RAB33B: variants seen among roughly 807,000 people sequenced by gnomAD.
RAB33B encodes the protein ras-related protein Rab-33B.
RAB33B carries 6 observed loss-of-function variants against 15.0 expected under a neutral mutation model. That is an observed-to-expected ratio of 0.40 (90% CI 0.22 to 0.79). The LOEUF (loss-of-function observed/expected upper bound fraction) is 0.79, where lower values mean the gene tolerates loss of function less well. RAB33B is among the 30% of genes least tolerant of loss of function. The pLI is 0.37. For synonymous variants in RAB33B, 117 were observed against 108.3 expected (o/e 1.08, Z -0.50); for missense variants, 257 against 296.4 (o/e 0.87, Z 0.98).
chr4:139,455,497 C>A (rs1054238586), intron 1 of RAB33B, among the ~76,000 whole-genome samples: 18 of 152,066 alleles, frequency 1.2e-4, no homozygotes, highest in Non-Finnish European at 2.5e-4. Flanking sequence ...TAATCATCGC[C>A]CCCCACCCCA....
rs907550105 is a variant in RAB33B, at chr4:139,476,394, A to G, written c.*3268A>G. 1.3e-5 allele frequency: 2 copies of G among 152,208 alleles called. No individual in the cohort carries two copies. Among genetic ancestry groups the G allele is most frequent in the Admixed American group, 6.5e-5 (1 of 15,276 alleles). The allele number at this position is 152,208 out of a possible 1,614,324, so 9.4% of individuals were successfully genotyped here. Reference sequence around the variant, plus strand: ...CCCCTGGTCAGTTTATTTTACGTATAAGTTACCCTTGTGTTCAAACACAAA... The same window carrying G: ...CCCCTGGTCAGTTTATTTTACGTATGAGTTACCCTTGTGTTCAAACACAAA... On this transcript the variant is annotated 3_prime_UTR_variant, in exon 2 of 2. Transcript: ENST00000305626.
upstream of RAB33B, chr4:139,450,729 G>A (rs898496321): frequency 6.6e-6 from 1 of 152,096 alleles, no homozygotes; most frequent in Non-Finnish European, 1.5e-5. Flanking sequence ...TTTGTCCTCT[G>A]TGCTCAGACC....
Position 139,454,423 on chromosome 4 carries a change from G to A in RAB33B, c.228G>A (p.Glu76=). 1 of 1,610,600 alleles carries A rather than the reference G, an allele frequency of 6.2e-7. No individual in the cohort carries two copies. Among genetic ancestry groups the A allele is most frequent in the Non-Finnish European group, 8.5e-7 (1 of 1,180,000 alleles). Residue 76 remains glutamate (E), a synonymous_variant, in exon 1 of 2, where the codon GAG becomes GAA. Transcript: ENST00000305626. ...IGVDFRERAV[E]IDGERIKIQL... ...TGGATTTCCGAGAACGAGCGGTGGA[G>A]ATTGATGGGGAGCGCATCAAGGTGA...
At chr4:139,459,952 T>C (rs1750142001) in intron 1 of RAB33B, among the ~76,000 whole-genome samples, 1 of 152,124 alleles carries the variant, frequency 6.6e-6, no homozygotes, top group Non-Finnish European at 1.5e-5. Context: ...TTAAACCACA[T>C]AGTAAGTACT....
intron 1 of RAB33B, among the ~76,000 whole-genome samples, chr4:139,468,310 C>T (rs1579181150): frequency 1.3e-5 from 2 of 152,190 alleles, no homozygotes; most frequent in African/African-American, 4.8e-5. Context: ...TCAGTTACCT[C>T]TCACAGGGTC....
At chr4:139,465,166 T>C in intron 1 of RAB33B, among the ~76,000 whole-genome samples, 1 of 152,254 alleles carries the variant, frequency 6.6e-6, no homozygotes, top group African/African-American at 2.4e-5. Context: ...TTCATGTGTC[T>C]GTTGGCTGCA....
intron 1 of RAB33B, among the ~76,000 whole-genome samples, chr4:139,462,853 G>A (rs1579176977): frequency 6.6e-6 from 1 of 152,246 alleles, no homozygotes. Context: ...AAATTTTTGT[G>A]ATTATTTGAA....
intron 1 of RAB33B, among the ~76,000 whole-genome samples, chr4:139,465,739 G>GT (rs1206636202): frequency 4.1e-5 from 4 of 97,464 alleles, no homozygotes; most frequent in East Asian, 3.1e-4. Context: ...TTTTTTTTTT[G>GT]TTTTTTTGGA....
the RAB33B span, among the ~76,000 whole-genome samples, chr4:139,444,681 A>C: frequency 6.6e-6 from 1 of 152,194 alleles, no homozygotes; most frequent in Admixed American, 6.5e-5. Context: ...ATAAAGTTCA[A>C]GTAATTAATG....
chr4:139,454,170 G>C lies in RAB33B; in HGVS notation c.-26G>C, dbSNP rs1305234986. 8 of 1,591,960 alleles carry C rather than the reference G, an allele frequency of 5.0e-6. No homozygotes were observed. The highest frequency in any genetic ancestry group is 6.8e-6 in the Non-Finnish European group (8 of 1,167,986). On this transcript the variant is annotated 5_prime_UTR_variant, in exon 1 of 2. Transcript: ENST00000305626. Reference sequence around the variant, plus strand: ...AGCCTTTCTGTGTCTCCTTTCCTCCGCCTCAGTTTGGGGCGGGTCGGGGGA... The same window carrying C: ...AGCCTTTCTGTGTCTCCTTTCCTCCCCCTCAGTTTGGGGCGGGTCGGGGGA...
chr4:139,456,380 G>T (rs1276846364), intron 1 of RAB33B, among the ~76,000 whole-genome samples: 2 of 152,122 alleles, frequency 1.3e-5, no homozygotes, highest in African/African-American at 4.8e-5. Flanking sequence ...TCTGTTCCTG[G>T]GTTGCCATTT....
chr4:139,464,292 A>G (rs909684238), intron 1 of RAB33B, among the ~76,000 whole-genome samples: 1 of 152,160 alleles, frequency 6.6e-6, no homozygotes, highest in Non-Finnish European at 1.5e-5. Flanking sequence ...AATAAAAATA[A>G]AAAAGGGGTA....
chr4:139,475,700 T>G lies in RAB33B; in HGVS notation c.*2574T>G, dbSNP rs1333427865. On this transcript the variant is annotated 3_prime_UTR_variant, in exon 2 of 2. Coordinates refer to ENST00000305626, the MANE Select transcript of RAB33B (RefSeq NM_031296.3). ...ATGACCTTTAATTGAAAATAAATAA[T>G]TAAAATATCAGACATGTTTTGGAAA... The G allele has an allele frequency of 6.6e-6, 1 of 152,126 alleles. No homozygotes were observed. The highest frequency in any genetic ancestry group is 2.4e-5 in the African/African-American group (1 of 41,452). The allele number at this position is 152,126 out of a possible 1,614,324, so 9.4% of individuals were successfully genotyped here.
At position 139,466,913 on chromosome 4, in the gene RAB33B, A is replaced by G. The variant is rs558660048; in HGVS notation, c.250-5773A>G. Among the ~76,000 whole-genome samples the G allele has an allele frequency of 2.6e-4, 36 of 139,908 alleles. No individual in the cohort carries two copies. In the East Asian group the frequency reaches 5.9e-3, roughly 23 times the overall value. The allele number at this position is 139,908 out of a possible 152,430, so 91.8% of individuals were successfully genotyped here. A position where few individuals can be genotyped will look rare whatever the true frequency, so the allele number is the denominator to read the frequency against. ...ATTTTATTTGCAGATATTTTCTCCC[A>G]TTCTGTGAGTTGTCTCTTCACTTTG... On this transcript the variant is annotated intron_variant, in intron 1 of 1. Coordinates refer to ENST00000305626, the MANE Select transcript of RAB33B (RefSeq NM_031296.3).
intron 1 of RAB33B, among the ~76,000 whole-genome samples, chr4:139,459,631 C>CTTTTTTT (rs377126007): frequency 1.4e-5 from 2 of 142,660 alleles, no homozygotes. Context: ...TAGTTCAGTT[C>CTTTTTTT]TTTTTTTTTT....
the RAB33B span, among the ~76,000 whole-genome samples, chr4:139,438,833 CTTATCT>C: frequency 2.0e-5 from 3 of 152,160 alleles, no homozygotes; most frequent in African/African-American, 7.2e-5. Flanking sequence ...TTTACCTTTA[CTTATCT>C]TTATTTCTTT....
chr4:139,455,767 T>C lies in RAB33B; in HGVS notation c.249+1323T>C, dbSNP rs142806783. On this transcript the variant is annotated intron_variant, in intron 1 of 1. Transcript: ENST00000305626. The stretch of plus-strand genomic sequence containing the variant: ...CAGAAGCCTTTGGGGTGAAAAATAA[T>C]GGAGCTTCTGAAGTTCCAAGGGAGT... 7.9e-5 allele frequency among the ~76,000 whole-genome samples: 12 copies of C among 152,300 alleles called. No homozygotes were observed. The East Asian group carries it at 2.3e-3, about 29-fold the overall frequency.
In RAB33B at chr4:139,465,720, TTC is replaced by T. The variant is rs1491369326; in HGVS notation, c.250-6964_250-6963del. Among the ~76,000 whole-genome samples, 963 of 130,256 alleles carry T rather than the reference TTC, an allele frequency of 7.4e-3. 7 individuals are homozygous for T. The highest frequency in any genetic ancestry group is 0.031 in the African/African-American group (930 of 30,098). The allele number at this position is 130,256 out of a possible 152,430, so 85.5% of individuals were successfully genotyped here. A position where few individuals can be genotyped will look rare whatever the true frequency, so the allele number is the denominator to read the frequency against. ...TTTCTTAGGATTAAACTTCTTCTTCTTCTTTTTTTTTTTTTTTTGTTTTTTTG... is the reference window on the plus strand; with the variant it reads ...TTTCTTAGGATTAAACTTCTTCTTCTTTTTTTTTTTTTTTTTGTTTTTTTG... On this transcript the variant is annotated intron_variant, in intron 1 of 1. Coordinates refer to ENST00000305626, the MANE Select transcript of RAB33B (RefSeq NM_031296.3).
intron 1 of RAB33B, among the ~76,000 whole-genome samples, chr4:139,467,916 G>A (rs536046402): frequency 2.7e-5 from 4 of 148,526 alleles, no homozygotes; most frequent in South Asian, 2.1e-4. Context: ...GTTGACTATA[G>A]TCACCCTATT....
Sources: allele counts gnomAD v4.1 joint callset (sites outside exome capture counted in the v4.1 genomes callset), GRCh38; gene constraint gnomAD v4.1.1; transcripts MANE v1.5; gene names NCBI Gene and HGNC (gene_info 2026-07-23, HGNC 2026-07-21).